Variants in IL4I1 observed in about 807,000 individuals in gnomAD.
IL4I1 encodes interleukin 4 induced 1, also known as L-amino-acid oxidase.
A neutral mutation model predicts 29.7 loss-of-function variants in IL4I1; 24 were observed. The observed-to-expected ratio is 0.81, with a 90% confidence interval of 0.59 to 1.14. The LOEUF (loss-of-function observed/expected upper bound fraction) is 1.14, where lower values mean the gene tolerates loss of function less well. IL4I1 is among the 50% of genes most tolerant of loss of function. IL4I1 has a pLI of 0.00. For missense variants in IL4I1, 686 were observed against 785.6 expected (o/e 0.87, Z 1.52); for synonymous variants, 371 against 352.5 (o/e 1.05, Z -0.59).
In IL4I1 at chr19:49,893,847, C is replaced by A. The variant is rs368706984; in HGVS notation, c.567+421G>T. Among the ~76,000 whole-genome samples the A allele has an allele frequency of 4.8e-4, 73 of 151,458 alleles. 2 individuals carry two copies. The highest frequency in any genetic ancestry group is 1.3e-4 in the Non-Finnish European group (9 of 67,844). On this transcript the variant is annotated intron_variant, in intron 5 of 7. Transcript: ENST00000391826. The stretch of plus-strand genomic sequence containing the variant: ...ATTAAAAATACAAAAATTAGCTGGG[C>A]GTGGTGGCGGGCGCCTGTAATCCCA...
chr19:49,900,799 A>G (rs565371512), upstream of IL4I1, among the ~76,000 whole-genome samples: 1 of 152,098 alleles, frequency 6.6e-6, no homozygotes, highest in African/African-American at 2.4e-5. Context: ...TTTTTGATGG[A>G]GTTTCTGGAA....
rs920142717 is a variant in IL4I1 at position 49,895,975 on chromosome 19, T to A, written c.92A>T (p.Asp31Val). The change falls in exon 3 of 8, where the codon GAC becomes GTC. Residue 31 changes from aspartate to valine, a missense_variant. Asp to Val is a radical substitution (Grantham distance 152). Transcript: ENST00000391826. ...SQDWKAERSQ[D>V]PFEKCMQDPD... ...ATCCTGCATGCATTTCTCGAAGGGG[T>A]CTTGGCTGCGTTCAGCCTTCCAGTC... 6.2e-7 allele frequency: 1 copy of A among 1,613,894 alleles called. No individual in the cohort carries two copies. Among genetic ancestry groups the A allele is most frequent in the Non-Finnish European group, 8.5e-7 (1 of 1,180,006 alleles).
chr19:49,908,964 T>C, intron 2 of IL4I1: 1 of 1,608,478 alleles, frequency 6.2e-7, no homozygotes, highest in Non-Finnish European at 8.5e-7. Flanking sequence ...CTGCTGCTGG[T>C]GGTGGTGGCG....
chr19:49,927,193 C>T (rs563229929), intron 2 of IL4I1, among the ~76,000 whole-genome samples: 104 of 152,006 alleles, frequency 6.8e-4, no homozygotes, highest in Non-Finnish European at 1.4e-3. Flanking sequence ...CACTTCGTAC[C>T]ACAGGGGAAA....
chr19:49,897,778 G>T (rs946838490), upstream of IL4I1, among the ~76,000 whole-genome samples: 2 of 152,116 alleles, frequency 1.3e-5, no homozygotes, highest in Non-Finnish European at 2.9e-5. Flanking sequence ...GGAGCCAGGG[G>T]CTCCGTGAGG....
chr19:49,890,056 C>A lies in IL4I1; in HGVS notation c.1318G>T (p.Val440Phe). 1 of 1,550,010 alleles carries A rather than the reference C, an allele frequency of 6.5e-7. No homozygotes were observed. ...VVRQLWDGTGVVKRWAEDQHS... is the reference protein window; with the variant it reads ...VVRQLWDGTGFVKRWAEDQHS... ...TGGTCCTCCGCCCAACGCTTGACGA[C>A]GCCGGTGCCGTCCCAGAGCTGGCGC... Residue 440 changes from valine (V) to phenylalanine (F), a missense_variant, in exon 8 of 8, where the codon GTC becomes TTC. Physicochemically the swap from Val to Phe is conservative, Grantham distance 50 (BLOSUM62 -1). Transcript: ENST00000391826.
At chr19:49,909,776 G>C (rs781692939) in intron 2 of IL4I1, 4 of 1,614,128 alleles carry the variant, frequency 2.5e-6, no homozygotes, top group Non-Finnish European at 3.4e-6. Context: ...GCCTGTAGGG[G>C]CCCCAGTGCC....
intron 2 of IL4I1, among the ~76,000 whole-genome samples, chr19:49,915,481 G>A (rs969965687): frequency 1.3e-5 from 2 of 152,168 alleles, no homozygotes; most frequent in African/African-American, 4.8e-5. Context: ...TTTCCCAGAG[G>A]AACTACACAC....
At chr19:49,924,449 C>T (rs1434758794) in intron 2 of IL4I1, among the ~76,000 whole-genome samples, 2 of 152,136 alleles carry the variant, frequency 1.3e-5, no homozygotes, top group Non-Finnish European at 2.9e-5. Context: ...AGAGAATCCC[C>T]GAACTCCCCG....
At chr19:49,911,715 T>C (rs2075468008) in intron 2 of IL4I1, among the ~76,000 whole-genome samples, 1 of 152,350 alleles carries the variant, frequency 6.6e-6, no homozygotes, top group East Asian at 1.9e-4. Flanking sequence ...CGTCCATCAC[T>C]ACTGACTGGG....
chr19:49,908,836 G>A (rs765339469), intron 2 of IL4I1: 1 of 1,612,774 alleles, frequency 6.2e-7, no homozygotes, highest in Non-Finnish European at 8.5e-7. Context: ...TGGCGGAGCT[G>A]GCAGCCGCCC....
upstream of IL4I1, chr19:49,901,654 G>C: frequency 1.3e-6 from 2 of 1,529,878 alleles, no homozygotes; most frequent in South Asian, 2.5e-5. Flanking sequence ...GGCTGCCTCT[G>C]GGGGGCTCTC....
intron 2 of IL4I1, among the ~76,000 whole-genome samples, chr19:49,914,593 G>A (rs899347931): frequency 5.3e-5 from 8 of 152,102 alleles, no homozygotes; most frequent in South Asian, 2.1e-4. Flanking sequence ...ATTCAGATGC[G>A]GAATCATCTG....
intron 2 of IL4I1, chr19:49,918,459 C>G (rs1439160312): frequency 1.3e-5 from 2 of 152,262 alleles, no homozygotes; most frequent in Non-Finnish European, 2.9e-5. Flanking sequence ...CTCTCCTCCA[C>G]AGAACCAGGT....
rs143459124 is a variant in IL4I1, at chr19:49,895,906, T to C, written c.161A>G (p.Asn54Ser). 6.1e-5 allele frequency: 98 copies of C among 1,614,066 alleles called. No homozygotes were observed. The highest frequency in any genetic ancestry group is 7.6e-5 in the Non-Finnish European group (90 of 1,180,048). ...QLLKVVTWGL[N>S]RTLKPQRVIV... ...CACCCTCTGGGGCTTCAGGGTCCGA[T>C]TGAGCCCCCAGGTCACCACCTTGAG... Residue 54 changes from asparagine (N) to serine (S), a missense_variant, in exon 3 of 8, where the codon AAT becomes AGT. Coordinates refer to ENST00000391826, the MANE Select transcript of IL4I1 (RefSeq NM_152899.2).
intron 2 of IL4I1, among the ~76,000 whole-genome samples, chr19:49,915,099 G>A (rs955203837): frequency 2.6e-5 from 4 of 151,944 alleles, no homozygotes; most frequent in Admixed American, 6.6e-5. Context: ...GAATACAGGA[G>A]ACCTCAGCTT....
intron 2 of IL4I1, among the ~76,000 whole-genome samples, chr19:49,920,832 G>C (rs1441461563): frequency 1.3e-5 from 2 of 152,228 alleles, no homozygotes; most frequent in African/African-American, 4.8e-5. Flanking sequence ...ACAGGCGTGT[G>C]TGGCGGGGGA....
intron 2 of IL4I1, 24 bp from the exon 3 acceptor site, chr19:49,896,077 AC>A: frequency 6.2e-7 from 1 of 1,609,890 alleles, no homozygotes; most frequent in South Asian, 1.1e-5. Context: ...GACAGGGTCA[AC>A]GGGGTTGTGG....
intron 2 of IL4I1, chr19:49,908,499 C>A (rs763688589): frequency 1.2e-6 from 2 of 1,614,010 alleles, no homozygotes; most frequent in Non-Finnish European, 1.7e-6. Flanking sequence ...ATGTTCTCAG[C>A]CAGCTTGTAG....
Sources: allele counts gnomAD v4.1 joint callset (sites outside exome capture counted in the v4.1 genomes callset), GRCh38; gene constraint gnomAD v4.1.1; transcripts MANE v1.5; gene names NCBI Gene and HGNC (gene_info 2026-07-23, HGNC 2026-07-21).